RPH3A: variants seen among roughly 807,000 people sequenced by gnomAD.
RPH3A encodes the protein rabphilin-3A.
A neutral mutation model predicts 102.2 loss-of-function variants in RPH3A; 48 were observed. The ratio of observed to expected loss-of-function variants is 0.47; its 90% CI spans 0.37 to 0.60. The LOEUF (loss-of-function observed/expected upper bound fraction) is 0.60, where lower values mean the gene tolerates loss of function less well. Among genes scored for constraint, RPH3A ranks in the 20% least tolerant of loss-of-function variants. RPH3A has a pLI of 0.00. For missense variants in RPH3A, 781 were observed against 910.1 expected, an observed-to-expected ratio of 0.86 and a Z score of 1.83; for synonymous variants, 310 against 324.3, an observed-to-expected ratio of 0.96 and a Z score of 0.47.
intron 1 of RPH3A, among the ~76,000 whole-genome samples, chr12:112,589,547 T>C (rs2039461495): frequency 6.6e-6 from 1 of 152,170 alleles, no homozygotes; most frequent in Non-Finnish European, 1.5e-5. Context: ...TTTCCTTCAA[T>C]TCTCAACATA....
intron 4 of RPH3A, among the ~76,000 whole-genome samples, chr12:112,840,989 G>C (rs1029486): frequency 0.48 from 71,965 of 150,988 alleles, 17,769 homozygotes; most frequent in East Asian, 0.59. Flanking sequence ...GTGATGGGCT[G>C]TTGGTGTCTC....
intron 1 of RPH3A, among the ~76,000 whole-genome samples, chr12:112,729,099 T>C (rs779928166): frequency 1.3e-5 from 2 of 152,134 alleles, no homozygotes; most frequent in Non-Finnish European, 2.9e-5. Context: ...TGGTCAGCAA[T>C]TTTGGTTCTA....
chr12:112,895,544 C>T (rs973032885), intron 20 of RPH3A: 2 of 445,146 alleles, frequency 4.5e-6, no homozygotes, highest in African/African-American at 3.9e-5. Flanking sequence ...TTCCCAATTT[C>T]AAGCAGAGAA....
chr12:112,792,815 C>T (rs1477173717), intron 2 of RPH3A, among the ~76,000 whole-genome samples: 4 of 152,304 alleles, frequency 2.6e-5, no homozygotes, highest in East Asian at 1.9e-4. Flanking sequence ...TGGCTGTTCA[C>T]GCTTTCCTGA....
intron 1 of RPH3A, among the ~76,000 whole-genome samples, chr12:112,578,674 C>T (rs1323414484): frequency 6.6e-6 from 1 of 152,174 alleles, no homozygotes; most frequent in Non-Finnish European, 1.5e-5. Context: ...GCGAACATAG[C>T]AACCACTTAC....
chr12:112,890,109 A>C (rs1316840630), intron 18 of RPH3A, 29 bp downstream of exon 18: 30 of 1,603,612 alleles, frequency 1.9e-5, no homozygotes, highest in Non-Finnish European at 2.4e-5. Flanking sequence ...TTGAAGCCAC[A>C]GTCAGGGTCT....
intron 5 of RPH3A, among the ~76,000 whole-genome samples, chr12:112,848,595 A>G (rs995323985): frequency 1.3e-5 from 2 of 152,206 alleles, no homozygotes; most frequent in Non-Finnish European, 2.9e-5. Context: ...ACACATGCAC[A>G]GTTCCTGACC....
intron 1 of RPH3A, among the ~76,000 whole-genome samples, chr12:112,628,525 T>G (rs1477312529): frequency 2.5e-5 from 3 of 119,274 alleles, no homozygotes; most frequent in East Asian, 2.8e-4. Flanking sequence ...AGGCCAGGAG[T>G]TGGAGACTAG....
intron 1 of RPH3A, among the ~76,000 whole-genome samples, chr12:112,769,219 T>G (rs372487743): frequency 6.6e-5 from 10 of 152,368 alleles, no homozygotes; most frequent in African/African-American, 2.4e-4. Flanking sequence ...GGGTTTCTCT[T>G]GCAGATTTTA....
chr12:112,684,792 A>G (rs1012611791), intron 1 of RPH3A, among the ~76,000 whole-genome samples: 15 of 152,060 alleles, frequency 9.9e-5, no homozygotes, highest in Non-Finnish European at 1.5e-4. Flanking sequence ...AATGTCTTAG[A>G]CTGGGTAATT....
At chr12:112,659,555 A>G (rs1592930138) in intron 1 of RPH3A, among the ~76,000 whole-genome samples, 1 of 152,200 alleles carries the variant, frequency 6.6e-6, no homozygotes, top group Admixed American at 6.5e-5. Context: ...ATGGTATTCA[A>G]TTTGATCACT....
chr12:112,881,703 C>T, intron 14 of RPH3A, 69 bp from the exon 15 acceptor site: 1 of 1,114,376 alleles, frequency 9.0e-7, no homozygotes, highest in Non-Finnish European at 1.3e-6. Context: ...GGGGCTATGC[C>T]CATTGCCGAT....
intron 1 of RPH3A, among the ~76,000 whole-genome samples, chr12:112,733,331 A>C (rs2040646901): frequency 6.6e-6 from 1 of 152,182 alleles, no homozygotes; most frequent in Non-Finnish European, 1.5e-5. Flanking sequence ...ATACACCAGC[A>C]TCACACACAC....
At chr12:112,835,964 C>T (rs2042042215) in intron 3 of RPH3A, among the ~76,000 whole-genome samples, 1 of 152,164 alleles carries the variant, frequency 6.6e-6, no homozygotes, top group Non-Finnish European at 1.5e-5. Context: ...GAGTGCCAGA[C>T]ATGGAAGGAG....
intron 1 of RPH3A, among the ~76,000 whole-genome samples, chr12:112,621,122 C>T (rs1444864440): frequency 1.3e-5 from 2 of 151,822 alleles, no homozygotes; most frequent in East Asian, 3.9e-4. Context: ...GGACTATAGA[C>T]ATGAGCCACC....
chr12:112,854,236 C>A (rs544816288), intron 5 of RPH3A, among the ~76,000 whole-genome samples: 1 of 152,274 alleles, frequency 6.6e-6, no homozygotes, highest in East Asian at 1.9e-4. Flanking sequence ...GCTCAGTGTC[C>A]CCGAGGGGCA....
Position 112,896,886 on chromosome 12 carries a change from C to T in RPH3A, c.*106C>T. 2 of 1,274,674 alleles carry T rather than the reference C, an allele frequency of 1.6e-6. No homozygotes were observed. The highest frequency in any genetic ancestry group is 1.4e-5 in the South Asian group (1 of 72,880). 79.0% of individuals were successfully genotyped at this position (1,274,674 alleles called of 1,614,324 possible). A position where few individuals can be genotyped will look rare whatever the true frequency, so the allele number is the denominator to read the frequency against. On this transcript the variant is annotated 3_prime_UTR_variant, in exon 22 of 22. Coordinates refer to ENST00000389385, the MANE Select transcript of RPH3A (RefSeq NM_001143854.2). ...CTCTATGCCTACCTCCCCCCATACC[C>T]TGCTGATCTCCCTGAGCCTGCCTTT... is the stretch of plus-strand genomic sequence containing the variant.
chr12:112,652,605 C>T (rs1324846374), intron 1 of RPH3A, among the ~76,000 whole-genome samples: 2 of 152,210 alleles, frequency 1.3e-5, no homozygotes, highest in Non-Finnish European at 2.9e-5. Flanking sequence ...TGGAGAGTCT[C>T]ACCACCTGGT....
At chr12:112,782,800 T>G (rs1215435015) in intron 1 of RPH3A, among the ~76,000 whole-genome samples, 2 of 152,208 alleles carry the variant, frequency 1.3e-5, no homozygotes, top group East Asian at 3.8e-4. Flanking sequence ...ACTATTTATT[T>G]AAATGACCCC....
Sources: allele counts gnomAD v4.1 joint callset (sites outside exome capture counted in the v4.1 genomes callset), GRCh38; gene constraint gnomAD v4.1.1; transcripts MANE v1.5; gene names NCBI Gene and HGNC (gene_info 2026-07-23, HGNC 2026-07-21).